Variants in RTP2 observed in about 807,000 individuals in gnomAD.
The protein encoded by RTP2 is receptor-transporting protein 2.
Under a neutral mutation model 17.9 loss-of-function variants are expected in RTP2, and 12 were observed. That is an observed-to-expected ratio of 0.67 (90% confidence interval 0.43 to 1.09). RTP2 has a LOEUF of 1.09. Among genes scored for constraint, RTP2 ranks in the 50% least tolerant of loss-of-function variants. The pLI, the probability that RTP2 is intolerant of heterozygous loss-of-function variation, is 0.00. For missense variants in RTP2, 327 were observed against 295.7 expected, an observed-to-expected ratio of 1.11 and a Z score of -0.78; for synonymous variants, 126 against 117.7, an observed-to-expected ratio of 1.07 and a Z score of -0.46.
the RTP2 span, among the ~76,000 whole-genome samples, chr3:187,714,648 A>G: frequency 2.0e-5 from 3 of 152,252 alleles, no homozygotes; most frequent in African/African-American, 7.2e-5. Flanking sequence ...AGGGACCAGT[A>G]GGAACCCTTA....
chr3:187,700,100 G>C (rs1011380610), intron 1 of RTP2, among the ~76,000 whole-genome samples: 1 of 152,172 alleles, frequency 6.6e-6, no homozygotes. Context: ...TGGCCTTGAA[G>C]GACTTCTGAT....
the RTP2 span, among the ~76,000 whole-genome samples, chr3:187,712,471 A>G: frequency 6.6e-6 from 1 of 152,214 alleles, no homozygotes; most frequent in Non-Finnish European, 1.5e-5. Context: ...AGAACAATAG[A>G]TACTATTTTT....
exon 2 of RTP2, chr3:187,698,454 C>T (rs771472236): frequency 1.6e-5 from 25 of 1,524,162 alleles, no homozygotes; most frequent in Admixed American, 7.9e-5. Context: ...GTGTCCTCCC[C>T]ACTCTCAAGC....
chr3:187,710,044 T>C, the RTP2 span, among the ~76,000 whole-genome samples: 1 of 152,150 alleles, frequency 6.6e-6, no homozygotes, highest in Non-Finnish European at 1.5e-5. Context: ...AACTGGTGAA[T>C]TGAGGAAAGC....
chr3:187,710,808 A>G, the RTP2 span, among the ~76,000 whole-genome samples: 1 of 152,086 alleles, frequency 6.6e-6, no homozygotes, highest in East Asian at 1.9e-4. Context: ...GTGTAGGCAA[A>G]AATTCTCTGG....
chr3:187,698,478 C>T (rs754136987), exon 2 of RTP2: 4 of 1,581,364 alleles, frequency 2.5e-6, no homozygotes, highest in Middle Eastern at 1.7e-4. Context: ...TGTGCCCTCT[C>T]CCACCCTTAA....
At chr3:187,699,488 G>A (rs756456101) in intron 1 of RTP2, among the ~76,000 whole-genome samples, 9 of 152,050 alleles carry the variant, frequency 5.9e-5, no homozygotes, top group Non-Finnish European at 1.3e-4. Flanking sequence ...GAGAAGAGAC[G>A]CCTCTAACTG....
chr3:187,703,583 GA>G (rs923302556), upstream of RTP2, among the ~76,000 whole-genome samples: 21 of 152,170 alleles, frequency 1.4e-4, no homozygotes, highest in Non-Finnish European at 2.2e-4. Context: ...CTGAGGCCTG[GA>G]AATGGAAAAT....
chr3:187,699,049 T>A (rs1324636002), intron 1 of RTP2, 38 bp from the exon 2 acceptor site: 2 of 1,543,630 alleles, frequency 1.3e-6, no homozygotes, highest in African/African-American at 2.7e-5. Flanking sequence ...AAGGTGGGCA[T>A]CCCAGAGAAG....
upstream of RTP2, among the ~76,000 whole-genome samples, chr3:187,703,234 C>T (rs900419026): frequency 2.6e-5 from 4 of 152,178 alleles, no homozygotes; most frequent in South Asian, 2.1e-4. Flanking sequence ...AATCATCTTA[C>T]GATTCTTTAA....
chr3:187,700,031 A>C (rs1304832147), intron 1 of RTP2, among the ~76,000 whole-genome samples: 1 of 152,214 alleles, frequency 6.6e-6, no homozygotes, highest in Non-Finnish European at 1.5e-5. Flanking sequence ...ACAGGCAGTC[A>C]GATGTCCACT....
chr3:187,704,429 A>G (rs1386480630), upstream of RTP2, among the ~76,000 whole-genome samples: 1 of 152,182 alleles, frequency 6.6e-6, no homozygotes, highest in Non-Finnish European at 1.5e-5. Flanking sequence ...TGCTTCAGAG[A>G]TTTCAATACA....
intron 1 of RTP2, 47 bp downstream of exon 1, chr3:187,701,918 G>C (rs775552688): frequency 1.9e-5 from 28 of 1,511,260 alleles, no homozygotes; most frequent in Admixed American, 4.0e-5. Context: ...CCCCACAGCT[G>C]TGACCCAGGG....
chr3:187,708,470 T>C, the RTP2 span, among the ~76,000 whole-genome samples: 4 of 152,166 alleles, frequency 2.6e-5, no homozygotes, highest in Non-Finnish European at 5.9e-5. Flanking sequence ...CAGTCCAAAA[T>C]GGTTTCCATG....
At position 187,698,782 on chromosome 3, in the gene RTP2, C is replaced by A. The variant is rs1717759735; in HGVS notation, c.394G>T (p.Glu132Ter). 1 of 1,613,824 alleles carries A rather than the reference C, an allele frequency of 6.2e-7. No homozygotes were observed. The highest frequency in any genetic ancestry group is 1.3e-5 in the African/African-American group (1 of 74,940). Residue 132 changes from glutamate (E) to a stop codon, truncating the protein, a stop_gained, in exon 2 of 2, where the codon GAG becomes TAG. Coordinates refer to ENST00000358241, the Ensembl canonical transcript of RTP2. LOFTEE classifies it high-confidence loss of function. ...TGGATGCGGTACTGGCCACCATCCTCCTCGTAGCACTGCTCGCGCAGGCTG... is the reference window on the plus strand; with the variant it reads ...TGGATGCGGTACTGGCCACCATCCTACTCGTAGCACTGCTCGCGCAGGCTG...
At chr3:187,709,328 A>G in the RTP2 span, among the ~76,000 whole-genome samples, 1 of 152,194 alleles carries the variant, frequency 6.6e-6, no homozygotes, top group African/African-American at 2.4e-5. Flanking sequence ...GAGTGCCCCT[A>G]TCTGAAACCT....
upstream of RTP2, among the ~76,000 whole-genome samples, chr3:187,705,462 G>A (rs1360110094): frequency 1.3e-5 from 2 of 152,180 alleles, no homozygotes; most frequent in Non-Finnish European, 2.9e-5. Flanking sequence ...GACAAGGCTG[G>A]GGTCAATATC....
the RTP2 span, among the ~76,000 whole-genome samples, chr3:187,712,145 G>A: frequency 6.6e-6 from 1 of 152,056 alleles, no homozygotes; most frequent in South Asian, 2.1e-4. Flanking sequence ...ACATACACAC[G>A]AGTGCATGTA....
At chr3:187,710,218 G>A in the RTP2 span, among the ~76,000 whole-genome samples, 1 of 152,126 alleles carries the variant, frequency 6.6e-6, no homozygotes, top group Admixed American at 6.6e-5. Context: ...TTGAGACTCA[G>A]GCTGGAATCT....
Sources: allele counts gnomAD v4.1 joint callset (sites outside exome capture counted in the v4.1 genomes callset), GRCh38; gene constraint gnomAD v4.1.1; transcripts MANE v1.5; gene names NCBI Gene and HGNC (gene_info 2026-07-23, HGNC 2026-07-21).